The following MARK3 variants were observed in gnomAD, a reference collection of about 807,000 sequenced individuals.
MARK3 encodes MAP/microtubule affinity-regulating kinase 3.
MARK3 carries 46 observed loss-of-function variants against 90.1 expected under a neutral mutation model. The observed-to-expected ratio is 0.51, with a 90% CI of 0.40 to 0.65. The LOEUF (loss-of-function observed/expected upper bound fraction) is 0.65. Ranked by LOEUF, MARK3 falls within the 30% of genes least tolerant of loss-of-function variation. The pLI is 0.00. For synonymous variants in MARK3, 321 were observed against 332.6 expected, an observed-to-expected ratio of 0.97 and a Z score of 0.38; for missense variants, 818 against 947.2, an observed-to-expected ratio of 0.86 and a Z score of 1.79.
intron 13 of MARK3, among the ~76,000 whole-genome samples, chr14:103,479,819 T>G (rs1174994011): frequency 6.6e-6 from 1 of 151,988 alleles, no homozygotes; most frequent in Non-Finnish European, 1.5e-5. Flanking sequence ...TTTGTATTTT[T>G]AGCAGAGACG....
chr14:103,502,122 GAGACCCCGGC>G (rs2075702051), intron 17 of MARK3, among the ~76,000 whole-genome samples: 6 of 152,204 alleles, frequency 3.9e-5, no homozygotes, highest in African/African-American at 1.4e-4. Context: ...GTGTTCCCTA[GAGACCCCGGC>G]CTGGGCTCTA....
intron 3 of MARK3, among the ~76,000 whole-genome samples, chr14:103,435,270 C>T (rs2092686252): frequency 1.3e-5 from 2 of 152,184 alleles, no homozygotes; most frequent in Admixed American, 6.6e-5. Flanking sequence ...CAGTACTTTC[C>T]TCCCTAGAGG....
chr14:103,386,123 C>T (rs1268875899), intron 1 of MARK3, 43 bp downstream of exon 1: 52 of 1,581,680 alleles, frequency 3.3e-5, no homozygotes, highest in Non-Finnish European at 4.4e-5. Context: ...TTCGGGGTGG[C>T]ATTCGTGCTC....
chr14:103,497,662 C>T (rs2075421021), intron 15 of MARK3, among the ~76,000 whole-genome samples: 2 of 152,120 alleles, frequency 1.3e-5, no homozygotes, highest in Admixed American at 6.5e-5. Context: ...TTTAAATCCC[C>T]AATCACCTAT....
intron 2 of MARK3, among the ~76,000 whole-genome samples, chr14:103,415,393 A>T (rs1421971528): frequency 6.6e-6 from 1 of 152,114 alleles, no homozygotes; most frequent in African/African-American, 2.4e-5. Context: ...CAAAATGCTC[A>T]TTTTATATAT....
intron 6 of MARK3, among the ~76,000 whole-genome samples, chr14:103,461,981 A>T (rs1356523642): frequency 1.3e-5 from 2 of 150,898 alleles, no homozygotes; most frequent in African/African-American, 4.9e-5. Context: ...GGTTGCAGTG[A>T]GCCAAGATCA....
intron 2 of MARK3, chr14:103,412,097 G>A (rs2091676219): frequency 1.3e-6 from 1 of 740,816 alleles, no homozygotes. Flanking sequence ...ACTAGTAGCA[G>A]TAGAATCTTT....
intron 12 of MARK3, 128 bp downstream of exon 12, chr14:103,468,314 C>CTTTTTTTTTTTTTT (rs759932678): frequency 5.3e-5 from 6 of 113,946 alleles, no homozygotes; most frequent in East Asian, 2.3e-4. Flanking sequence ...TTTCTTTCTT[C>CTTTTTTTTTTTTTT]TTTTTTTTTT....
chr14:103,486,639 TTGA>T (rs1182016783), intron 14 of MARK3, among the ~76,000 whole-genome samples: 3 of 152,196 alleles, frequency 2.0e-5, no homozygotes, highest in Non-Finnish European at 4.4e-5. Context: ...AACAATTAGC[TTGA>T]TGACCTTTTA....
At chr14:103,460,175 C>T (rs929557416) in intron 6 of MARK3, among the ~76,000 whole-genome samples, 1 of 143,434 alleles carries the variant, frequency 7.0e-6, no homozygotes, top group East Asian at 2.1e-4. Flanking sequence ...AAGCTCCGCC[C>T]CCTGGGTTCA....
intron 1 of MARK3, among the ~76,000 whole-genome samples, chr14:103,397,120 A>G (rs1482114509): frequency 6.6e-6 from 1 of 152,138 alleles, no homozygotes; most frequent in African/African-American, 2.4e-5. Context: ...TGTATGTCAC[A>G]TTATACACCT....
Position 103,502,864 on chromosome 14 carries a change from T to C in MARK3, c.1917-18T>C. 6.3e-7 allele frequency: 1 copy of C among 1,585,630 alleles called. No homozygotes were observed. Among genetic ancestry groups the C allele is most frequent in the Non-Finnish European group, 8.6e-7 (1 of 1,161,562 alleles). On this transcript the variant is annotated intron_variant, in intron 17 of 17. Transcript: ENST00000429436. ...TTTCCTGTACGATTAAAAATAAACC[T>C]GCCTCTATGCATTTCAGTCGCAATG...
intron 7 of MARK3, among the ~76,000 whole-genome samples, chr14:103,465,237 G>A (rs1287169846): frequency 1.3e-5 from 2 of 152,134 alleles, no homozygotes; most frequent in Admixed American, 6.6e-5. Flanking sequence ...CAAAGTGCTG[G>A]GATCATAGGT....
rs11445712 is a variant in MARK3, at chr14:103,402,546, C to CAAA, written c.52-2521_52-2519dup. On this transcript the variant is annotated intron_variant, in intron 1 of 17. Coordinates refer to ENST00000429436, the MANE Select transcript of MARK3 (RefSeq NM_001128918.3). ...CAGCTGACAGAGTGAGACTCCATCT[C>CAAA]AAAAAAAAAAAGGATTTTTCTAAGA... Among the ~76,000 whole-genome samples the CAAA allele has an allele frequency of 1.7e-4, 25 of 146,670 alleles. No homozygotes were observed. In the East Asian group the frequency reaches 1.8e-3, roughly 10 times the overall value.
chr14:103,502,543 T>A (rs1472234372), intron 17 of MARK3, among the ~76,000 whole-genome samples: 1 of 152,250 alleles, frequency 6.6e-6, no homozygotes, highest in Non-Finnish European at 1.5e-5. Flanking sequence ...TTCCCTGAGC[T>A]GGGCCTGCAG....
intron 14 of MARK3, among the ~76,000 whole-genome samples, chr14:103,488,447 T>C (rs370848144): frequency 3.7e-4 from 56 of 152,288 alleles, no homozygotes; most frequent in African/African-American, 1.3e-3. Context: ...GGATACTGAG[T>C]GGCAGAAATA....
chr14:103,480,550 T>G, intron 14 of MARK3, 60 bp downstream of exon 14: 2 of 948,854 alleles, frequency 2.1e-6, no homozygotes, highest in South Asian at 2.8e-5. Flanking sequence ...TGGAAGCATG[T>G]TATTTACTGC....
intron 10 of MARK3, 25 bp downstream of exon 10, chr14:103,466,467 C>G: frequency 6.8e-7 from 1 of 1,461,550 alleles, no homozygotes; most frequent in Non-Finnish European, 9.5e-7. Context: ...CCTGCATGTT[C>G]ATGTGTTTTT....
intron 6 of MARK3, among the ~76,000 whole-genome samples, chr14:103,460,215 A>G (rs575585474): frequency 6.7e-6 from 1 of 149,676 alleles, no homozygotes; most frequent in East Asian, 2.0e-4. Flanking sequence ...CCTCCCAAGT[A>G]GCTGGGAATA....
Sources: gnomAD v4.1 joint callset for allele counts (sites outside exome capture counted in the v4.1 genomes callset) on GRCh38, gnomAD v4.1.1 for gene constraint, MANE v1.5 for transcripts, NCBI Gene and HGNC (gene_info 2026-07-23, HGNC 2026-07-21) for gene names.